NCOA6: variants seen among roughly 807,000 people sequenced by gnomAD.
NCOA6 encodes the protein NRC RAP250.
NCOA6 carries 49 observed loss-of-function variants against 171.4 expected under a neutral mutation model. That is an observed-to-expected ratio of 0.29 (90% CI 0.23 to 0.36). NCOA6 has a LOEUF of 0.36. Ranked by LOEUF, NCOA6 falls within the 10% of genes least tolerant of loss-of-function variation. The pLI is 1.00. For missense variants in NCOA6, 2,248 were observed against 2,554.5 expected, an observed-to-expected ratio of 0.88 and a Z score of 2.59; for synonymous variants, 910 against 927.5, an observed-to-expected ratio of 0.98 and a Z score of 0.34.
chr20:34,764,974 T>C (rs1338298333), intron 5 of NCOA6, among the ~76,000 whole-genome samples: 1 of 151,786 alleles, frequency 6.6e-6, no homozygotes, highest in Non-Finnish European at 1.5e-5. Context: ...ATTAGCCAAT[T>C]AGCTGGGCAT....
chr20:34,759,027 TTG>T, intron 5 of NCOA6, 94 bp from the exon 6 acceptor site: 3 of 1,416,298 alleles, frequency 2.1e-6, no homozygotes, highest in African/African-American at 1.6e-5. Flanking sequence ...TATGGAAAAT[TTG>T]TTTTTTTTTT....
At chr20:34,775,021 A>G (rs2077263692) in intron 4 of NCOA6, among the ~76,000 whole-genome samples, 1 of 152,200 alleles carries the variant, frequency 6.6e-6, no homozygotes, top group African/African-American at 2.4e-5. Flanking sequence ...CTGATACTTG[A>G]AGGCTGAGCA....
chr20:34,800,108 T>C lies in NCOA6; in HGVS notation c.-163-7545A>G, dbSNP rs187517880. Among the ~76,000 whole-genome samples, 103 of 152,268 alleles carry C rather than the reference T, an allele frequency of 6.8e-4. 1 individual carries two copies. Among genetic ancestry groups the C allele is most frequent in the Middle Eastern group, 3.4e-3 (1 of 294 alleles). ...AAGTGGGGGGAACAAAGTTAGTATGTAGAGTTTTTATTAGTTTTCTCTTTG... is the reference window on the plus strand; with the variant it reads ...AAGTGGGGGGAACAAAGTTAGTATGCAGAGTTTTTATTAGTTTTCTCTTTG... On this transcript the variant is annotated intron_variant, in intron 1 of 14. Coordinates refer to ENST00000359003, the MANE Select transcript of NCOA6 (RefSeq NM_014071.5).
At position 34,749,900 on chromosome 20, in the gene NCOA6, C is replaced by T; in HGVS notation, c.2295G>A (p.Gln765=). 6.2e-7 allele frequency: 1 copy of T among 1,614,212 alleles called. No individual in the cohort carries two copies. Among genetic ancestry groups the T allele is most frequent in the South Asian group, 1.1e-5 (1 of 91,086 alleles). Residue 765 remains glutamine (Q), a synonymous_variant, in exon 9 of 15, where the codon CAG becomes CAA. Transcript: ENST00000359003. ...TCACAGGCCCTTGCTGGGGCAGCAT[C>T]TGTCCTGACATCTGTCCCGTAAACT... The part of the protein sequence containing the change: ...MVQFTGQMSG[Q]MLPQQGPVNN...
intron 1 of NCOA6, among the ~76,000 whole-genome samples, chr20:34,807,824 C>CT (rs920285300): frequency 1.0e-4 from 15 of 147,286 alleles, no homozygotes; most frequent in Non-Finnish European, 2.0e-4. Flanking sequence ...CGTGCCCGGC[C>CT]TTTTTTTTTA....
At chr20:34,778,091 C>T (rs974630990) in intron 3 of NCOA6, among the ~76,000 whole-genome samples, 1 of 152,020 alleles carries the variant, frequency 6.6e-6, no homozygotes, top group East Asian at 1.9e-4. Flanking sequence ...TTTTAGTAGA[C>T]ACAGGGTTTC....
chr20:34,793,334 C>T (rs1375592947), intron 1 of NCOA6, among the ~76,000 whole-genome samples: 1 of 152,162 alleles, frequency 6.6e-6, no homozygotes, highest in African/African-American at 2.4e-5. Context: ...AACAGGATTT[C>T]AAATTTAGCT....
intron 5 of NCOA6, among the ~76,000 whole-genome samples, chr20:34,767,573 G>A (rs1004978368): frequency 6.6e-6 from 1 of 152,140 alleles, no homozygotes; most frequent in Non-Finnish European, 1.5e-5. Context: ...TGAGACTACA[G>A]GCATGACCAA....
At chr20:34,737,226 T>C (rs1419482804) in intron 11 of NCOA6, among the ~76,000 whole-genome samples, 3 of 152,246 alleles carry the variant, frequency 2.0e-5, no homozygotes, top group African/African-American at 7.2e-5. Flanking sequence ...TACTTTTCTA[T>C]AGCACTTAGC....
At chr20:34,775,373 A>C (rs1279832737) in intron 4 of NCOA6, among the ~76,000 whole-genome samples, 1 of 152,000 alleles carries the variant, frequency 6.6e-6, no homozygotes, top group East Asian at 1.9e-4. Flanking sequence ...ATTTTGAAAA[A>C]GATCATTCTG....
At chr20:34,786,882 A>G (rs1330307929) in intron 2 of NCOA6, among the ~76,000 whole-genome samples, 1 of 152,174 alleles carries the variant, frequency 6.6e-6, no homozygotes, top group East Asian at 1.9e-4. Context: ...TCAGAAGAAA[A>G]TCTAGGCAAT....
intron 1 of NCOA6, among the ~76,000 whole-genome samples, chr20:34,802,366 C>T (rs2078283814): frequency 6.6e-6 from 1 of 152,200 alleles, no homozygotes; most frequent in Non-Finnish European, 1.5e-5. Context: ...CTTTGGGAGG[C>T]CGAGGCAGTC....
In NCOA6 at chr20:34,757,863, C is replaced by T. The variant is rs1298407439; in HGVS notation, c.885G>A (p.Gln295=). 1 of 1,614,088 alleles carries T rather than the reference C, an allele frequency of 6.2e-7. No individual in the cohort carries two copies. The highest frequency in any genetic ancestry group is 8.5e-7 in the Non-Finnish European group (1 of 1,180,028). The stretch of plus-strand genomic sequence containing the variant: ...GTCGAATTCCCTGTGGCTGTTGCTG[C>T]TGATGTTGCTGTGGGGGTCTTGCCT... ...QLQARPPQQH[Q]QQQPQGIRPQ... Residue 295 remains glutamine (Q), a synonymous_variant, in exon 7 of 15, where the codon CAG becomes CAA. Coordinates refer to ENST00000359003, the MANE Select transcript of NCOA6 (RefSeq NM_014071.5).
intron 2 of NCOA6, among the ~76,000 whole-genome samples, chr20:34,783,047 C>T (rs893515864): frequency 6.6e-6 from 1 of 152,100 alleles, no homozygotes; most frequent in African/African-American, 2.4e-5. Context: ...TTTGGGAGGT[C>T]AAGGTGGGCA....
intron 11 of NCOA6, among the ~76,000 whole-genome samples, chr20:34,738,333 G>A (rs2145500034): frequency 6.6e-6 from 1 of 152,118 alleles, no homozygotes; most frequent in East Asian, 1.9e-4. Context: ...ATCTCCTCAA[G>A]GCCCACATAT....
chr20:34,755,134 C>T (rs2076606257), intron 7 of NCOA6, among the ~76,000 whole-genome samples: 1 of 152,180 alleles, frequency 6.6e-6, no homozygotes, highest in Non-Finnish European at 1.5e-5. Context: ...AATCTGCTCC[C>T]TAAATGTGAT....
intron 9 of NCOA6, 24 bp from the exon 10 acceptor site, chr20:34,746,952 A>T (rs1600832877): frequency 7.0e-7 from 1 of 1,434,240 alleles, no homozygotes; most frequent in East Asian, 2.4e-5. Flanking sequence ...AAAAAAAAAA[A>T]GTGACATATT....
chr20:34,818,728 A>G (rs2078917037), intron 1 of NCOA6, among the ~76,000 whole-genome samples: 2 of 152,232 alleles, frequency 1.3e-5, no homozygotes, highest in South Asian at 4.1e-4. Flanking sequence ...AACACATTAC[A>G]GACATTCCTC....
chr20:34,741,919 G>T lies in NCOA6; in HGVS notation c.4337C>A (p.Ala1446Asp). 1.2e-6 allele frequency: 2 copies of T among 1,614,156 alleles called. No homozygotes were observed. The highest frequency in any genetic ancestry group is 1.7e-6 in the Non-Finnish European group (2 of 1,180,018). The change falls in exon 11 of 15, where the codon GCC (alanine) becomes GAC (aspartate). Residue 1446 changes from alanine to aspartate, a missense_variant. Ala to Asp is a moderately radical substitution (Grantham distance 126). Around this residue, in one of 7 missense-constraint regions of NCOA6, gnomAD observed 884 missense variants for 941.9 expected, o/e 0.94. Coordinates refer to ENST00000359003, the MANE Select transcript of NCOA6 (RefSeq NM_014071.5). The part of the protein sequence containing the change: ...QVNIELKAVP[A>D]QEVKMVVPED... ...AGGGACAACCATTTTAACTTCTTGG[G>T]CAGGGACTGCTTTTAGTTCAATGTT... is the stretch of plus-strand genomic sequence containing the variant.
Sources: allele counts gnomAD v4.1 joint callset (sites outside exome capture counted in the v4.1 genomes callset), GRCh38; gene constraint gnomAD v4.1.1; regional missense constraint gnomAD v4.1.1; transcripts MANE v1.5; gene names NCBI Gene and HGNC (gene_info 2026-07-23, HGNC 2026-07-21).